The following FRMPD2 variants were observed in gnomAD, a reference collection of about 807,000 sequenced individuals.
FRMPD2 encodes the protein FERM and PDZ domain containing 2, also known as FERM and PDZ domain-containing protein 2.
Under a neutral mutation model 140.1 loss-of-function variants are expected in FRMPD2, and 96 were observed. The ratio of observed to expected loss-of-function variants is 0.69; its 90% confidence interval spans 0.58 to 0.81. The LOEUF is 0.81. FRMPD2 is among the 40% of genes least tolerant of loss of function. The pLI, the probability that FRMPD2 is intolerant of heterozygous loss-of-function variation, is 0.00. For synonymous variants in FRMPD2, 449 were observed against 547.6 expected, an observed-to-expected ratio of 0.82 and a Z score of 2.52; for missense variants, 1,240 against 1,447.4, an observed-to-expected ratio of 0.86 and a Z score of 2.32.
In FRMPD2 at chr10:48,256,969, T is replaced by C. The variant is rs528765383; in HGVS notation, c.26-5278A>G. On this transcript the variant is annotated intron_variant, in intron 1 of 28. Transcript: ENST00000374201. ...ACAAGATAAATTTATTATCTCACAG[T>C]TCCAGGAACAAGAAATCCAAAATCA... Among the ~76,000 whole-genome samples, 4 of 152,316 alleles carry C rather than the reference T, an allele frequency of 2.6e-5. No individual in the cohort carries two copies. In the South Asian group the frequency reaches 6.2e-4, roughly 24 times the overall value.
chr10:48,192,284 G>A (rs777649565), intron 16 of FRMPD2, among the ~76,000 whole-genome samples: 67 of 152,014 alleles, frequency 4.4e-4, no homozygotes, highest in Non-Finnish European at 1.6e-4. Context: ...ATCTAACATC[G>A]TTTAAACAAT....
chr10:48,200,197 T>TAAAA (rs201140091), intron 15 of FRMPD2, among the ~76,000 whole-genome samples: 7,698 of 139,692 alleles, frequency 0.055, 347 homozygotes, highest in Non-Finnish European at 0.069. Context: ...AATAAATAAA[T>TAAAA]AAAACAGAGC....
chr10:48,232,547 C>T (rs1483003441), intron 9 of FRMPD2, among the ~76,000 whole-genome samples: 1 of 152,136 alleles, frequency 6.6e-6, no homozygotes, highest in Admixed American at 6.5e-5. Context: ...TCAGCAGGGG[C>T]CAGGAAAGCT....
intron 17 of FRMPD2, 35 bp from the exon 18 acceptor site, chr10:48,185,680 TC>T (rs752808118): frequency 6.6e-7 from 1 of 1,523,924 alleles, no homozygotes; most frequent in South Asian, 1.1e-5. Context: ...ATTGTGCTTT[TC>T]CCCCAAATTA....
At chr10:48,244,133 C>T (rs1229009995) in intron 4 of FRMPD2, among the ~76,000 whole-genome samples, 1 of 152,088 alleles carries the variant, frequency 6.6e-6, no homozygotes, top group Non-Finnish European at 1.5e-5. Flanking sequence ...TATAGGCATA[C>T]ACCACCACAC....
intron 20 of FRMPD2, among the ~76,000 whole-genome samples, chr10:48,184,181 G>A (rs909854436): frequency 6.6e-6 from 1 of 151,884 alleles, no homozygotes; most frequent in Non-Finnish European, 1.5e-5. Context: ...ACAAAATATA[G>A]AAATTTTGTA....
chr10:48,202,246 C>A (rs2131864951), intron 14 of FRMPD2, among the ~76,000 whole-genome samples: 1 of 152,198 alleles, frequency 6.6e-6, no homozygotes, highest in East Asian at 1.9e-4. Context: ...TCAATAAGAA[C>A]CTTCAGCTTG....
chr10:48,181,542 G>A (rs1838547043), intron 20 of FRMPD2, among the ~76,000 whole-genome samples: 2 of 152,170 alleles, frequency 1.3e-5, no homozygotes, highest in South Asian at 4.1e-4. Flanking sequence ...GTCCTTTTGG[G>A]AGGCTTGGTA....
intron 9 of FRMPD2, among the ~76,000 whole-genome samples, chr10:48,235,384 C>T (rs756376201): frequency 3.7e-4 from 56 of 152,228 alleles, no homozygotes; most frequent in Admixed American, 3.3e-3. Flanking sequence ...AGGCATCCCA[C>T]GTGCACTGAC....
At chr10:48,206,690 G>T in intron 14 of FRMPD2, 58 bp downstream of exon 14, 2 of 1,447,220 alleles carry the variant, frequency 1.4e-6, no homozygotes, top group Non-Finnish European at 1.9e-6. Flanking sequence ...TCCTTTAAAC[G>T]GCCAACAAAT....
chr10:48,249,009 T>G lies in FRMPD2; in HGVS notation c.309+12A>C, dbSNP rs763467929. The stretch of plus-strand genomic sequence containing the variant: ...CAGGACTCAGAAGTTGCAGAGTAGC[T>G]GCACAGCTTACCTGAGATGCATCAG... On this transcript the variant is annotated intron_variant, in intron 3 of 28. Coordinates refer to ENST00000374201, the MANE Select transcript of FRMPD2 (RefSeq NM_001018071.4). The G allele has an allele frequency of 6.2e-7, 1 of 1,600,616 alleles. No homozygotes were observed. The highest frequency in any genetic ancestry group is 8.5e-7 in the Non-Finnish European group (1 of 1,172,270).
chr10:48,243,156 C>T (rs1840166437), intron 4 of FRMPD2, among the ~76,000 whole-genome samples: 1 of 152,296 alleles, frequency 6.6e-6, no homozygotes. Flanking sequence ...TGGTGCTGCA[C>T]AGCCACACCA....
Position 48,248,945 on chromosome 10 carries a change from C to T in FRMPD2, c.309+76G>A. ...AAGCTCTGCAAGGCTGAGCTGGGAG[C>T]TGGGGAGGCTGCCGCTGGGACAGGC... On this transcript the variant is annotated intron_variant, in intron 3 of 28. Coordinates refer to ENST00000374201, the MANE Select transcript of FRMPD2 (RefSeq NM_001018071.4). 4.4e-6 allele frequency: 6 copies of T among 1,352,182 alleles called. No homozygotes were observed. In the South Asian group the frequency reaches 9.3e-5, roughly 21 times the overall value. 83.8% of individuals were successfully genotyped at this position (1,352,182 alleles called of 1,614,324 possible). A position where few individuals can be genotyped will look rare whatever the true frequency, so the allele number is the denominator to read the frequency against.
At chr10:48,220,498 C>G (rs906708972) in intron 12 of FRMPD2, among the ~76,000 whole-genome samples, 2 of 152,020 alleles carry the variant, frequency 1.3e-5, no homozygotes, top group African/African-American at 4.8e-5. Flanking sequence ...GAAGATAACA[C>G]CAGAAAAACC....
Position 48,269,064 on chromosome 10 carries a change from C to A in FRMPD2, c.25+5479G>T, listed in dbSNP as rs1360941741. 3.3e-5 allele frequency among the ~76,000 whole-genome samples: 5 copies of A among 152,224 alleles called. No individual in the cohort carries two copies. In the East Asian group the frequency reaches 5.8e-4, roughly 18 times the overall value. ...ACTCATCAATTAGAAAAAAACAACT[C>A]TTTAATTTAAAAGTTAAGAAATAAA... On this transcript the variant is annotated intron_variant, in intron 1 of 28. Coordinates refer to ENST00000374201, the MANE Select transcript of FRMPD2 (RefSeq NM_001018071.4).
chr10:48,163,944 G>T (rs1200773260), intron 27 of FRMPD2, among the ~76,000 whole-genome samples: 2 of 151,176 alleles, frequency 1.3e-5, no homozygotes, highest in Non-Finnish European at 2.9e-5. Flanking sequence ...AGATAAAAAT[G>T]GAAGATAAAT....
At chr10:48,243,722 G>A (rs767435725) in intron 4 of FRMPD2, among the ~76,000 whole-genome samples, 6 of 152,142 alleles carry the variant, frequency 3.9e-5, no homozygotes, top group Non-Finnish European at 8.8e-5. Context: ...GAGAGTGGTC[G>A]TGAGCTGGTC....
chr10:48,161,340 A>C (rs190290801), intron 28 of FRMPD2, among the ~76,000 whole-genome samples: 2 of 151,212 alleles, frequency 1.3e-5, no homozygotes, highest in African/African-American at 4.9e-5. Context: ...CCACTAAGCC[A>C]AATTTAATTT....
chr10:48,171,457 A>G (rs1554791672), intron 25 of FRMPD2, among the ~76,000 whole-genome samples: 1 of 152,244 alleles, frequency 6.6e-6, no homozygotes, highest in Admixed American at 6.5e-5. Context: ...TTAAAATAAA[A>G]GGAAAAAGCA....
Sources: allele counts gnomAD v4.1 joint callset (sites outside exome capture counted in the v4.1 genomes callset), GRCh38; gene constraint gnomAD v4.1.1; transcripts MANE v1.5; gene names NCBI Gene and HGNC (gene_info 2026-07-23, HGNC 2026-07-21).